The following PUDP variants were observed in gnomAD, a reference collection of about 807,000 sequenced individuals.
PUDP encodes pseudouridine 5'-phosphatase, also known as pseudouridine-5'-phosphatase.
A neutral mutation model predicts 9.4 loss-of-function variants in PUDP; 8 were observed. The ratio of observed to expected loss-of-function variants is 0.85; its 90% CI spans 0.50 to 1.53. The LOEUF (loss-of-function observed/expected upper bound fraction) is 1.53. PUDP is among the 40% of genes most tolerant of loss of function. The pLI is 0.00. For synonymous variants in PUDP, 99 were observed against 80.7 expected (o/e 1.23, Z -1.22); for missense variants, 188 against 189.7 (o/e 0.99, Z 0.05).
At chrX:7,035,973 C>T (rs1274634949) in intron 1 of PUDP, among the ~76,000 whole-genome samples, 3 of 111,279 alleles carry the variant, frequency 2.7e-5, no homozygotes, top group East Asian at 2.8e-4. Flanking sequence ...GTTAAAAGAG[C>T]GGGCCACCTC....
intron 3 of PUDP, among the ~76,000 whole-genome samples, chrX:6,951,685 T>A (rs769077177): frequency 2.7e-5 from 3 of 112,175 alleles, no homozygotes; most frequent in Non-Finnish European, 5.6e-5. Context: ...GGCCCATTTC[T>A]ACAACTTGCT....
At chrX:6,778,128 G>A (rs1217835198) in intron 3 of PUDP, among the ~76,000 whole-genome samples, 1 of 112,010 alleles carries the variant, frequency 8.9e-6, no homozygotes, top group Non-Finnish European at 1.9e-5. Context: ...GGGGGCTGTG[G>A]AAACAGCTCG....
At chrX:6,912,716 G>A (rs915404891) in intron 3 of PUDP, among the ~76,000 whole-genome samples, 6 of 111,858 alleles carry the variant, frequency 5.4e-5, no homozygotes, top group African/African-American at 1.9e-4. Flanking sequence ...GAGCCTAAAG[G>A]AAAAGCGAAC....
intron 3 of PUDP, among the ~76,000 whole-genome samples, chrX:6,814,532 C>A (rs1210268379): frequency 9.0e-6 from 1 of 111,227 alleles, no homozygotes; most frequent in Non-Finnish European, 1.9e-5. Context: ...CACCTCCAAA[C>A]TAACCAATGG....
At chrX:6,708,172 T>C (rs1053481280) in intron 1 of PUDP, among the ~76,000 whole-genome samples, 1 of 111,929 alleles carries the variant, frequency 8.9e-6, no homozygotes, top group Non-Finnish European at 1.9e-5. Flanking sequence ...GCCTGTCTGT[T>C]TCCACATTCC....
chrX:6,826,674 T>C (rs181188445), intron 3 of PUDP, among the ~76,000 whole-genome samples: 2 of 112,392 alleles, frequency 1.8e-5, no homozygotes, highest in African/African-American at 6.4e-5. Flanking sequence ...TTCATGCTAA[T>C]TCAGCAACAA....
chrX:6,774,871 T>C (rs1032185161), intron 3 of PUDP, among the ~76,000 whole-genome samples: 7 of 112,535 alleles, frequency 6.2e-5, no homozygotes, highest in Non-Finnish European at 1.3e-4. Context: ...ATTAGCATCA[T>C]TTGGGAGGCT....
chrX:6,765,352 C>A lies in PUDP; in HGVS notation c.*248-58886G>T, dbSNP rs529229314. Among the ~76,000 whole-genome samples the A allele has an allele frequency of 8.0e-4, 89 of 111,719 alleles. No homozygotes were observed. The South Asian group carries it at 8.6e-3, about 11-fold the overall frequency. ...AAGCCCTGAAAATACCTAGAACTAA[C>A]CTTAACAAGAAATATGTAAAACCTG... is the stretch of plus-strand genomic sequence containing the variant. On this transcript the variant is annotated intron_variant and NMD_transcript_variant, in intron 3 of 3. Transcript: ENST00000655425.
At chrX:6,725,093 G>A (rs1352287942), upstream of PUDP, among the ~76,000 whole-genome samples, 1 of 111,703 alleles carries the variant, frequency 9.0e-6, no homozygotes, top group African/African-American at 3.3e-5. Context: ...CATGGCCATG[G>A]ATGGTGATAG....
rs1048566703 is a variant in PUDP at position 6,715,675 on chromosome X, T to C, written n.128+5742A>G. On this transcript the variant is annotated intron_variant and non_coding_transcript_variant, in intron 1 of 2. Transcript: ENST00000438499. The stretch of plus-strand genomic sequence containing the variant: ...AACATGAGTTTTGCATCAGTTGAGG[T>C]AGACAGAGGACTCAGGACGAAGTGA... Among the ~76,000 whole-genome samples the C allele has an allele frequency of 1.7e-4, 19 of 112,198 alleles. 2 individuals are homozygous for C. Among genetic ancestry groups the C allele is most frequent in the Admixed American group, 1.6e-3 (17 of 10,547 alleles).
intron 3 of PUDP, among the ~76,000 whole-genome samples, chrX:6,901,889 T>C (rs1322038526): frequency 8.9e-6 from 1 of 111,856 alleles, no homozygotes; most frequent in Non-Finnish European, 1.9e-5. Flanking sequence ...TGCTTGTTTT[T>C]TTCAGAGAGT....
At chrX:7,111,560 G>A (rs183889973) in intron 1 of PUDP, among the ~76,000 whole-genome samples, 2,008 of 111,546 alleles carry the variant, frequency 0.018, 38 homozygotes, top group African/African-American at 0.061. Flanking sequence ...AGGCAGTGAA[G>A]CCAGGTCCTC....
At chrX:6,719,572 T>A (rs1198742358) in intron 1 of PUDP, among the ~76,000 whole-genome samples, 1 of 111,880 alleles carries the variant, frequency 8.9e-6, no homozygotes, top group Non-Finnish European at 1.9e-5. Context: ...TCAAATGAGG[T>A]GAAGGTGTTA....
chrX:6,873,550 T>C (rs748073998), intron 3 of PUDP, among the ~76,000 whole-genome samples: 1 of 111,890 alleles, frequency 8.9e-6, no homozygotes, highest in Non-Finnish European at 1.9e-5. Context: ...AGTAAGCCTA[T>C]GAAATTGATC....
chrX:6,792,593 C>G (rs1280368652), intron 3 of PUDP, among the ~76,000 whole-genome samples: 2 of 111,443 alleles, frequency 1.8e-5, no homozygotes. Context: ...TGAATGTCAA[C>G]AAACAGGCTT....
At chrX:6,880,230 T>TGTAGTC (rs1314983325) in intron 3 of PUDP, among the ~76,000 whole-genome samples, 12 of 110,579 alleles carry the variant, frequency 1.1e-4, no homozygotes, top group Middle Eastern at 4.6e-3. Flanking sequence ...GTATCCAATG[T>TGTAGTC]GTAGTCTTTT....
At chrX:6,749,559 A>G (rs1424856230) in intron 3 of PUDP, among the ~76,000 whole-genome samples, 2 of 112,206 alleles carry the variant, frequency 1.8e-5, no homozygotes, top group South Asian at 3.7e-4. Context: ...CAGGGAAGAC[A>G]CTAAATGATT....
At chrX:6,976,841 T>G (rs5979617) in intron 3 of PUDP, among the ~76,000 whole-genome samples, 40,357 of 110,840 alleles carry the variant, frequency 0.36, 5,481 homozygotes, top group Non-Finnish European at 0.41. Context: ...AAGCTTCTGC[T>G]GTACTGTTCT....
chrX:6,947,505 G>C (rs58265512), intron 3 of PUDP, among the ~76,000 whole-genome samples: 1 of 112,288 alleles, frequency 8.9e-6, no homozygotes, highest in Non-Finnish European at 1.9e-5. Context: ...ATATTAAGCT[G>C]TATGAGGCTG....
Sources: gnomAD v4.1 joint callset for allele counts (sites outside exome capture counted in the v4.1 genomes callset) on GRCh38, gnomAD v4.1.1 for gene constraint, MANE v1.5 for transcripts, NCBI Gene and HGNC (gene_info 2026-07-23, HGNC 2026-07-21) for gene names.